PRKCB: variants seen among roughly 807,000 people sequenced by gnomAD.
PRKCB encodes the protein protein kinase C beta, also known as protein kinase C beta type.
In PRKCB, 13 loss-of-function variants were observed where a neutral mutation model predicts 81.5. The ratio of observed to expected loss-of-function variants is 0.16; its 90% CI spans 0.10 to 0.25. The LOEUF (loss-of-function observed/expected upper bound fraction) is 0.25, where lower values mean the gene tolerates loss of function less well. Ranked by LOEUF, PRKCB falls within the 10% of genes least tolerant of loss-of-function variation. The probability of loss-of-function intolerance (pLI) is 1.00; values close to 1 mark genes in which losing one functional copy is unlikely to be tolerated. For synonymous variants in PRKCB, 335 were observed against 321.4 expected, an observed-to-expected ratio of 1.04 and a Z score of -0.45; for missense variants, 509 against 875.7, an observed-to-expected ratio of 0.58 and a Z score of 5.29.
Position 24,168,811 on chromosome 16 carries a change from G to A in PRKCB, c.1240-3459G>A, listed in dbSNP as rs189937966. On this transcript the variant is annotated intron_variant, in intron 10 of 16. Transcript: ENST00000643927. ...TAGCCTCAAGTGATTTTCCTGTCTC[G>A]GCCCTGCCAAAGTTCTGGGATTACA... Among the ~76,000 whole-genome samples, 329 of 147,292 alleles carry A rather than the reference G, an allele frequency of 2.2e-3. 1 individual carries two copies. The highest frequency in any genetic ancestry group is 8.0e-3 in the African/African-American group (317 of 39,770).
intron 2 of PRKCB, among the ~76,000 whole-genome samples, chr16:23,910,182 C>T (rs1392427778): frequency 1.3e-5 from 2 of 152,102 alleles, no homozygotes; most frequent in Non-Finnish European, 2.9e-5. Flanking sequence ...TCTCTGTGGG[C>T]TTGAGACCAG....
chr16:23,966,194 A>G (rs1456032150), intron 2 of PRKCB, among the ~76,000 whole-genome samples: 2 of 152,202 alleles, frequency 1.3e-5, no homozygotes, highest in Non-Finnish European at 2.9e-5. Context: ...GCTTCCAACC[A>G]TGAAGTCACA....
chr16:24,011,321 T>C (rs1311342834), intron 3 of PRKCB, among the ~76,000 whole-genome samples: 7 of 152,190 alleles, frequency 4.6e-5, no homozygotes, highest in African/African-American at 1.7e-4. Context: ...AAATAGATTT[T>C]ATCCCATTTT....
intron 5 of PRKCB, among the ~76,000 whole-genome samples, chr16:24,058,791 A>G (rs1365441406): frequency 6.6e-6 from 1 of 152,216 alleles, no homozygotes; most frequent in Non-Finnish European, 1.5e-5. Flanking sequence ...GAGCCATTGT[A>G]GGTGGTAATG....
chr16:24,090,327 G>A (rs376169444), intron 5 of PRKCB, among the ~76,000 whole-genome samples: 3 of 152,172 alleles, frequency 2.0e-5, no homozygotes. Flanking sequence ...CCTGGTAGCC[G>A]ATTCAATGCT....
chr16:24,207,280 A>G (rs1401825942), intron 16 of PRKCB, among the ~76,000 whole-genome samples: 1 of 152,164 alleles, frequency 6.6e-6, no homozygotes, highest in Non-Finnish European at 1.5e-5. Context: ...CTATTTTTCA[A>G]TTTCTTCCAT....
chr16:24,112,865 A>T, intron 7 of PRKCB, 108 bp from the exon 8 acceptor site: 1 of 764,072 alleles, frequency 1.3e-6, no homozygotes, highest in Non-Finnish European at 2.1e-6. Context: ...CCCTCAACGT[A>T]TATTTTTTCA....
chr16:24,106,522 G>A (rs1208712253), intron 7 of PRKCB, among the ~76,000 whole-genome samples: 3 of 152,002 alleles, frequency 2.0e-5, no homozygotes, highest in Admixed American at 6.6e-5. Flanking sequence ...AAAATAATCC[G>A]CAATAAACAT....
intron 2 of PRKCB, among the ~76,000 whole-genome samples, chr16:23,843,762 A>C (rs1054453435): frequency 2.0e-5 from 3 of 147,268 alleles, no homozygotes; most frequent in Non-Finnish European, 4.5e-5. Flanking sequence ...CCACAACCAG[A>C]TGCAGCATGT....
intron 2 of PRKCB, among the ~76,000 whole-genome samples, chr16:23,914,342 C>T (rs1567312256): frequency 6.6e-6 from 1 of 152,150 alleles, no homozygotes; most frequent in Admixed American, 6.5e-5. Flanking sequence ...GCCAGTACAG[C>T]CCATCATTGG....
intron 5 of PRKCB, among the ~76,000 whole-genome samples, chr16:24,051,641 G>A (rs1160451581): frequency 3.3e-5 from 5 of 152,142 alleles, no homozygotes; most frequent in African/African-American, 1.2e-4. Flanking sequence ...TCAGGAGGCT[G>A]AGGTGAAGAA....
chr16:23,917,826 C>G (rs1963765118), intron 2 of PRKCB, among the ~76,000 whole-genome samples: 1 of 152,136 alleles, frequency 6.6e-6, no homozygotes, highest in Admixed American at 6.5e-5. Context: ...GGTAAGTGAT[C>G]TCGTAAAGCT....
chr16:23,847,247 A>G (rs1045870173), intron 2 of PRKCB, among the ~76,000 whole-genome samples: 1 of 151,880 alleles, frequency 6.6e-6, no homozygotes, highest in Non-Finnish European at 1.5e-5. Flanking sequence ...CTCAAAACAG[A>G]CCTGATTTTA....
At chr16:23,952,295 G>A (rs1380229868) in intron 2 of PRKCB, among the ~76,000 whole-genome samples, 3 of 152,206 alleles carry the variant, frequency 2.0e-5, no homozygotes, top group African/African-American at 7.2e-5. Context: ...TCTTTGAGCA[G>A]GCACAGTGAA....
intron 3 of PRKCB, among the ~76,000 whole-genome samples, chr16:24,005,131 C>T (rs1965100360): frequency 6.6e-6 from 1 of 151,756 alleles, no homozygotes; most frequent in South Asian, 2.1e-4. Context: ...TGCTTAAACT[C>T]TGTACATTAC....
intron 3 of PRKCB, among the ~76,000 whole-genome samples, chr16:24,006,472 G>T (rs1342149892): frequency 6.6e-6 from 1 of 152,236 alleles, no homozygotes; most frequent in Non-Finnish European, 1.5e-5. Flanking sequence ...GCTGTAGAGG[G>T]CATAGCTGTG....
intron 3 of PRKCB, among the ~76,000 whole-genome samples, chr16:24,021,061 TCCCTCCCTCCC>T (rs1965369137): frequency 8.2e-4 from 56 of 68,310 alleles, no homozygotes; most frequent in South Asian, 3.9e-3. Context: ...TTTCTTTCCC[TCCCTCCCTCCC>T]TTCTTTCTTT....
chr16:24,190,024 C>T (rs1207747369), intron 15 of PRKCB, among the ~76,000 whole-genome samples: 1 of 152,130 alleles, frequency 6.6e-6, no homozygotes, highest in African/African-American at 2.4e-5. Context: ...GCTTTGGACT[C>T]ATTTACAAGA....
At chr16:23,888,457 C>T (rs1338817586) in intron 2 of PRKCB, among the ~76,000 whole-genome samples, 2 of 152,174 alleles carry the variant, frequency 1.3e-5, no homozygotes, top group African/African-American at 4.8e-5. Flanking sequence ...ACATTTAGGG[C>T]CATCTTCCTT....
Sources: allele counts gnomAD v4.1 joint callset (sites outside exome capture counted in the v4.1 genomes callset), GRCh38; gene constraint gnomAD v4.1.1; transcripts MANE v1.5; gene names NCBI Gene and HGNC (gene_info 2026-07-23, HGNC 2026-07-21).